Variants in DNAH11 observed in about 807,000 individuals in gnomAD.
The protein encoded by DNAH11 is dynein axonemal heavy chain 11, also known as axonemal beta dynein heavy chain 11.
DNAH11 carries 442 observed loss-of-function variants against 526.0 expected under a neutral mutation model. The observed-to-expected ratio is 0.84, with a 90% CI of 0.78 to 0.91. The LOEUF is 0.91. Among genes scored for constraint, DNAH11 ranks in the 40% least tolerant of loss-of-function variants. The pLI is 0.00. For synonymous variants in DNAH11, 2,461 were observed against 1,935.9 expected (o/e 1.27, Z -7.12); for missense variants, 6,989 against 5,448.7 (o/e 1.28, Z -8.90).
chr7:21,702,525 A>T (rs1266477160), intron 36 of DNAH11, among the ~76,000 whole-genome samples, 185 bp from the exon 37 acceptor site: 1 of 152,064 alleles, frequency 6.6e-6, no homozygotes, highest in East Asian at 1.9e-4. Context: ...AAGGTGAAAG[A>T]AACAGGACGA....
intron 60 of DNAH11, among the ~76,000 whole-genome samples, chr7:21,788,556 T>G (rs1346260220): frequency 6.6e-6 from 1 of 152,072 alleles, no homozygotes; most frequent in Non-Finnish European, 1.5e-5. Flanking sequence ...GAAAGAAAAT[T>G]TAATTTCCTT....
At chr7:21,744,651 T>C in intron 50 of DNAH11, 52 bp downstream of exon 50, 1 of 1,597,182 alleles carries the variant, frequency 6.3e-7, no homozygotes, top group Non-Finnish European at 8.5e-7. Flanking sequence ...CAACTGGGTA[T>C]TGGGACTAAA....
intron 31 of DNAH11, among the ~76,000 whole-genome samples, chr7:21,681,944 C>T (rs1215016686): frequency 1.3e-5 from 2 of 152,086 alleles, no homozygotes; most frequent in Non-Finnish European, 2.9e-5. Flanking sequence ...GTGGAAGAAC[C>T]GTGAGAAATC....
intron 62 of DNAH11, among the ~76,000 whole-genome samples, chr7:21,806,467 G>A (rs1186797947): frequency 6.6e-6 from 1 of 152,164 alleles, no homozygotes; most frequent in Admixed American, 6.5e-5. Flanking sequence ...AATAAGCAAA[G>A]CAGGGAGATG....
intron 20 of DNAH11, among the ~76,000 whole-genome samples, chr7:21,612,898 A>G (rs1785590946): frequency 6.6e-6 from 1 of 152,222 alleles, no homozygotes; most frequent in Admixed American, 6.5e-5. Context: ...ATTAGGGAGA[A>G]AAAATCGTAT....
chr7:21,607,626 C>G (rs1411354590), intron 20 of DNAH11, among the ~76,000 whole-genome samples: 3 of 151,894 alleles, frequency 2.0e-5, no homozygotes, highest in African/African-American at 7.3e-5. Context: ...TACTTTTCCT[C>G]TTTCAATTAA....
At chr7:21,761,760 C>A (rs1786929054) in intron 54 of DNAH11, among the ~76,000 whole-genome samples, 1 of 152,102 alleles carries the variant, frequency 6.6e-6, no homozygotes, top group Non-Finnish European at 1.5e-5. Context: ...CTTATTTAAG[C>A]AATAATACAT....
chr7:21,766,474 T>C (rs1356929840), intron 55 of DNAH11, among the ~76,000 whole-genome samples: 2 of 152,170 alleles, frequency 1.3e-5, no homozygotes, highest in African/African-American at 2.4e-5. Flanking sequence ...ACTGGAGATA[T>C]GTGAGGAATG....
At chr7:21,724,882 T>A (rs28736336) in intron 44 of DNAH11, among the ~76,000 whole-genome samples, 15 of 138,274 alleles carry the variant, frequency 1.1e-4, no homozygotes, top group South Asian at 4.8e-4. Context: ...TATAGGAGTC[T>A]CTGGGCCAGA....
At chr7:21,669,402 C>T (rs1782549379) in intron 30 of DNAH11, among the ~76,000 whole-genome samples, 1 of 152,092 alleles carries the variant, frequency 6.6e-6, no homozygotes, top group Non-Finnish European at 1.5e-5. Context: ...AGCTCCTGAC[C>T]TCAAATGATC....
intron 62 of DNAH11, 99 bp from the exon 63 acceptor site, chr7:21,807,784 G>A (rs2127996385): frequency 2.6e-6 from 3 of 1,144,486 alleles, no homozygotes; most frequent in Admixed American, 2.3e-5. Flanking sequence ...GTGACTGTGT[G>A]GAAGGACGTA....
chr7:21,854,308 A>G lies in DNAH11; in HGVS notation c.11062-7A>G, dbSNP rs1406030692. On this transcript the variant is annotated splice_region_variant and splice_polypyrimidine_tract_variant and intron_variant, in intron 67 of 81. Transcript: ENST00000409508. ...TAAGTTACTTATTTTGTTTGATCCC[A>G]CCATAGGTGATTGAAGCCAAAGAAA... 6.2e-7 allele frequency: 1 copy of G among 1,613,510 alleles called. No homozygotes were observed. The highest frequency in any genetic ancestry group is 1.7e-5 in the Admixed American group (1 of 59,972).
chr7:21,689,774 T>C (rs949582708), intron 34 of DNAH11, among the ~76,000 whole-genome samples: 1 of 152,264 alleles, frequency 6.6e-6, no homozygotes, highest in Non-Finnish European at 1.5e-5. Context: ...GTGTTTTCTC[T>C]TTCATGATGC....
At chr7:21,748,795 C>T in intron 52 of DNAH11, 53 bp downstream of exon 52, 1 of 1,555,146 alleles carries the variant, frequency 6.4e-7, no homozygotes, top group Non-Finnish European at 8.7e-7. Context: ...GCAGATAAAG[C>T]CGAGGCTCCT....
chr7:21,599,743 A>G, intron 14 of DNAH11, 44 bp from the exon 15 acceptor site: 1 of 1,359,172 alleles, frequency 7.4e-7, no homozygotes, highest in Non-Finnish European at 9.8e-7. Context: ...TTTTTATGCT[A>G]ATTATTTGTT....
In DNAH11 at chr7:21,868,735, G is replaced by A. The variant is rs111675915; in HGVS notation, c.11840-129G>A. 0.011 allele frequency: 13,318 copies of A among 1,199,054 alleles called. 110 individuals are homozygous for A. The highest frequency in any genetic ancestry group is 0.025 in the South Asian group (1,646 of 65,556). The allele number at this position is 1,199,054 out of a possible 1,614,324, so 74.3% of individuals were successfully genotyped here. A position where few individuals can be genotyped will look rare whatever the true frequency, so the allele number is the denominator to read the frequency against. Reference sequence around the variant, plus strand: ...TGTGGATACAACAGAAGTTTCTTTGGGATTCTTCAGGAAAGTCACTCAGAA... The same window carrying A: ...TGTGGATACAACAGAAGTTTCTTTGAGATTCTTCAGGAAAGTCACTCAGAA... On this transcript the variant is annotated intron_variant, in intron 72 of 81. Coordinates refer to ENST00000409508, the MANE Select transcript of DNAH11 (RefSeq NM_001277115.2).
chr7:21,564,935 C>G (rs1783602356), intron 6 of DNAH11, among the ~76,000 whole-genome samples: 2 of 152,134 alleles, frequency 1.3e-5, no homozygotes, highest in African/African-American at 2.4e-5. Context: ...CCACCTTCCT[C>G]TGTGTCCTCA....
chr7:21,624,398 G>C (rs1465629384), intron 25 of DNAH11, among the ~76,000 whole-genome samples: 1 of 152,106 alleles, frequency 6.6e-6, no homozygotes. Context: ...TGATTTTTGT[G>C]TGTTGGTTTT....
intron 48 of DNAH11, 64 bp downstream of exon 48, chr7:21,739,737 T>C: frequency 7.9e-7 from 1 of 1,261,544 alleles, no homozygotes; most frequent in South Asian, 1.4e-5. Context: ...CGAGTACAGC[T>C]TAGGATTCCT....
Sources: gnomAD v4.1 joint callset for allele counts (sites outside exome capture counted in the v4.1 genomes callset) on GRCh38, gnomAD v4.1.1 for gene constraint, MANE v1.5 for transcripts, NCBI Gene and HGNC (gene_info 2026-07-23, HGNC 2026-07-21) for gene names.